Variants in PREX2 observed in about 807,000 individuals in gnomAD.
PREX2 encodes the protein phosphatidylinositol 3,4,5-trisphosphate-dependent Rac exchanger 2 protein.
In PREX2, 107 loss-of-function variants were observed where a neutral mutation model predicts 203.2. The observed-to-expected ratio is 0.53, with a 90% CI of 0.45 to 0.62. PREX2 has a LOEUF of 0.62. PREX2 is among the 20% of genes least tolerant of loss of function. The probability of loss-of-function intolerance (pLI) is 0.00; values close to 1 mark genes in which losing one functional copy is unlikely to be tolerated. For missense variants in PREX2, 1,777 were observed against 1,955.9 expected (o/e 0.91, Z 1.72); for synonymous variants, 672 against 663.6 (o/e 1.01, Z -0.19).
chr8:68,202,004 T>A, intron 37 of PREX2, among the ~76,000 whole-genome samples: 1 of 149,740 alleles, frequency 6.7e-6, no homozygotes, highest in Admixed American at 6.7e-5. Flanking sequence ...CCTCCTGGGT[T>A]CAAGCAGTTC....
At chr8:68,059,457 A>G (rs1300599385) in intron 10 of PREX2, among the ~76,000 whole-genome samples, 1 of 152,170 alleles carries the variant, frequency 6.6e-6, no homozygotes, top group Non-Finnish European at 1.5e-5. Context: ...GTTCTGATGG[A>G]TGGTTCTGTG....
intron 26 of PREX2, among the ~76,000 whole-genome samples, 195 bp from the exon 27 acceptor site, chr8:68,118,355 C>CAAAAAAAAAAAAAA: frequency 1.2e-5 from 1 of 82,684 alleles, no homozygotes; most frequent in Non-Finnish European, 2.7e-5. Context: ...ACTCCGTCTC[C>CAAAAAAAAAAAAAA]AAAAAAAAAA....
chr8:67,988,436 A>G (rs1260333746), intron 1 of PREX2, among the ~76,000 whole-genome samples: 1 of 152,126 alleles, frequency 6.6e-6, no homozygotes, highest in Admixed American at 6.5e-5. Context: ...CACAGTCCTC[A>G]CCAGAGATGA....
At chr8:68,083,892 A>G (rs1809605591) in intron 18 of PREX2, among the ~76,000 whole-genome samples, 1 of 152,218 alleles carries the variant, frequency 6.6e-6, no homozygotes, top group Admixed American at 6.5e-5. Context: ...GATTAGAAAA[A>G]AAGTTATGTT....
chr8:68,202,109 C>T (rs560146716), intron 37 of PREX2, among the ~76,000 whole-genome samples: 23 of 152,084 alleles, frequency 1.5e-4, no homozygotes, highest in African/African-American at 4.8e-4. Context: ...ACCATCGTGG[C>T]CAGACGGGTC....
At chr8:68,148,242 G>C (rs1811365745) in intron 34 of PREX2, among the ~76,000 whole-genome samples, 1 of 152,054 alleles carries the variant, frequency 6.6e-6, no homozygotes, top group Non-Finnish European at 1.5e-5. Flanking sequence ...GTGAGACTCT[G>C]CTTCAATAAA....
At chr8:68,157,214 A>G (rs537036836) in intron 34 of PREX2, 108 bp from the exon 35 acceptor site, 27 of 503,802 alleles carry the variant, frequency 5.4e-5, no homozygotes, top group Admixed American at 1.8e-4. Flanking sequence ...ATATATGTTG[A>G]TAATTGGTCC....
chr8:68,100,206 A>G (rs1330992180), intron 23 of PREX2: 2 of 461,094 alleles, frequency 4.3e-6, no homozygotes, highest in East Asian at 6.7e-5. Context: ...AACTAAGAGA[A>G]TGAAAACTCT....
At chr8:68,188,161 A>C (rs572542707) in intron 35 of PREX2, among the ~76,000 whole-genome samples, 18 of 152,308 alleles carry the variant, frequency 1.2e-4, no homozygotes, top group African/African-American at 4.1e-4. Context: ...CAAATCACTC[A>C]CTAGTTTGGG....
chr8:68,105,244 T>C lies in PREX2; in HGVS notation c.2716-2865T>C, dbSNP rs1810375511. 4 of 1,367,754 alleles carry C rather than the reference T, an allele frequency of 2.9e-6. No homozygotes were observed. The African/African-American group carries it at 4.4e-5, about 15-fold the overall frequency. The allele number at this position is 1,367,754 out of a possible 1,614,324, so 84.7% of individuals were successfully genotyped here. Reference sequence around the variant, plus strand: ...AGCACATTTCCAGTACCTGTGACTATGGAGTTCCTCCTGCTGCCTCCTCCT... The same window carrying C: ...AGCACATTTCCAGTACCTGTGACTACGGAGTTCCTCCTGCTGCCTCCTCCT... On this transcript the variant is annotated intron_variant, in intron 23 of 39. Coordinates refer to ENST00000288368, the MANE Select transcript of PREX2 (RefSeq NM_024870.4).
At position 67,952,335 on chromosome 8, in the gene PREX2, G is replaced by C; in HGVS notation, c.-60G>C. On this transcript the variant is annotated 5_prime_UTR_variant, in exon 1 of 40. Transcript: ENST00000288368. Reference sequence around the variant, plus strand: ...TCGCCGCCGGGGGCCGGGCAGCAGCGGGCGCGCGGGTCAGCGCTCAGCACG... The same window carrying C: ...TCGCCGCCGGGGGCCGGGCAGCAGCCGGCGCGCGGGTCAGCGCTCAGCACG... 2.3e-6 allele frequency: 3 copies of C among 1,328,474 alleles called. No homozygotes were observed. The highest frequency in any genetic ancestry group is 3.2e-5 in the East Asian group (1 of 31,326). The allele number at this position is 1,328,474 out of a possible 1,614,324, so 82.3% of individuals were successfully genotyped here.
chr8:67,952,570 G>T (rs760445636), intron 1 of PREX2, 35 bp downstream of exon 1: 6 of 1,591,038 alleles, frequency 3.8e-6, no homozygotes, highest in Non-Finnish European at 4.3e-6. Flanking sequence ...GGGACGTCCG[G>T]GCGGCGCGGG....
chr8:67,975,658 C>G (rs75661981), intron 1 of PREX2, among the ~76,000 whole-genome samples: 3,289 of 131,876 alleles, frequency 0.025, 141 homozygotes, highest in African/African-American at 0.084. Context: ...AGCTAGTATA[C>G]TTAATATTTA....
chr8:68,072,268 C>G (rs1809219403), intron 13 of PREX2, among the ~76,000 whole-genome samples: 3 of 152,088 alleles, frequency 2.0e-5, no homozygotes, highest in Admixed American at 2.0e-4. Context: ...GTTTTGGTAA[C>G]ATTGTGAGTC....
intron 38 of PREX2, among the ~76,000 whole-genome samples, chr8:68,221,163 A>G (rs1812947070): frequency 6.6e-6 from 1 of 152,222 alleles, no homozygotes; most frequent in South Asian, 2.1e-4. Flanking sequence ...AACGGCCTCC[A>G]GCTGCATTCA....
At chr8:68,188,455 A>G (rs1812233162) in intron 35 of PREX2, among the ~76,000 whole-genome samples, 1 of 152,236 alleles carries the variant, frequency 6.6e-6, no homozygotes, top group Non-Finnish European at 1.5e-5. Flanking sequence ...GATTTAATAG[A>G]TCGAAACAGG....
chr8:68,099,564 A>G (rs1246739535), intron 22 of PREX2, 118 bp from the exon 23 acceptor site: 2 of 977,128 alleles, frequency 2.0e-6, no homozygotes, highest in Non-Finnish European at 3.0e-6. Flanking sequence ...TGTTAACTTA[A>G]TGAAAATTTG....
intron 31 of PREX2, among the ~76,000 whole-genome samples, chr8:68,127,878 A>G (rs1810926503): frequency 6.6e-6 from 1 of 152,158 alleles, no homozygotes; most frequent in South Asian, 2.1e-4. Context: ...ACAATTAAAT[A>G]TTTGATGAGA....
At chr8:68,204,903 G>T (rs1428635441) in intron 37 of PREX2, among the ~76,000 whole-genome samples, 2 of 151,434 alleles carry the variant, frequency 1.3e-5, no homozygotes, top group African/African-American at 2.4e-5. Context: ...GGATGGTCTC[G>T]ATCTCCTGAC....
Sources: allele counts gnomAD v4.1 joint callset (sites outside exome capture counted in the v4.1 genomes callset), GRCh38; gene constraint gnomAD v4.1.1; transcripts MANE v1.5; gene names NCBI Gene and HGNC (gene_info 2026-07-23, HGNC 2026-07-21).